DLGAP2: variants seen among roughly 807,000 people sequenced by gnomAD.
DLGAP2 encodes DLG associated protein 2.
In DLGAP2, 26 loss-of-function variants were observed where a neutral mutation model predicts 100.3. That is an observed-to-expected ratio of 0.26 (90% CI 0.19 to 0.36). The LOEUF (loss-of-function observed/expected upper bound fraction) is 0.36. Among genes scored for constraint, DLGAP2 ranks in the 10% least tolerant of loss-of-function variants. DLGAP2 has a pLI of 1.00. For missense variants in DLGAP2, 1,858 were observed against 1,453.2 expected, an observed-to-expected ratio of 1.28 and a Z score of -4.53; for synonymous variants, 886 against 630.1, an observed-to-expected ratio of 1.41 and a Z score of -6.08.
intron 1 of DLGAP2, among the ~76,000 whole-genome samples, chr8:764,284 T>A (rs1292353279): frequency 6.6e-6 from 1 of 152,188 alleles, no homozygotes; most frequent in East Asian, 1.9e-4. Flanking sequence ...GTACAACATT[T>A]TTATTCAAGT....
At chr8:1,462,815 C>T (rs1378266411) in intron 3 of DLGAP2, among the ~76,000 whole-genome samples, 2 of 152,222 alleles carry the variant, frequency 1.3e-5, no homozygotes, top group Admixed American at 1.3e-4. Flanking sequence ...GCCCTCAGGC[C>T]CCCACACGGC....
At chr8:1,540,802 C>A (rs1801337393) in intron 4 of DLGAP2, among the ~76,000 whole-genome samples, 1 of 152,256 alleles carries the variant, frequency 6.6e-6, no homozygotes, top group Non-Finnish European at 1.5e-5. Flanking sequence ...ACAACCATTT[C>A]TGGATAATAC....
intron 4 of DLGAP2, among the ~76,000 whole-genome samples, chr8:1,528,543 CG>C (rs1800873632): frequency 6.6e-6 from 1 of 152,214 alleles, no homozygotes; most frequent in South Asian, 2.1e-4. Flanking sequence ...AGGGCCCACC[CG>C]GGGGCTGGCC....
chr8:1,067,734 C>T (rs1051509735), intron 2 of DLGAP2, among the ~76,000 whole-genome samples: 2 of 151,944 alleles, frequency 1.3e-5, no homozygotes, highest in African/African-American at 2.4e-5. Context: ...GCCCCACCCA[C>T]GCCCTCCCTC....
intron 2 of DLGAP2, among the ~76,000 whole-genome samples, chr8:1,095,967 A>C (rs1455219476): frequency 6.6e-6 from 1 of 152,218 alleles, no homozygotes; most frequent in Non-Finnish European, 1.5e-5. Context: ...TAGAGAACTG[A>C]ATATTTTAAA....
chr8:785,549 C>G (rs1291279924), intron 1 of DLGAP2, among the ~76,000 whole-genome samples: 2 of 145,212 alleles, frequency 1.4e-5, no homozygotes, highest in African/African-American at 2.6e-5. Flanking sequence ...CCCCTCAGGT[C>G]TCTCTGAGAC....
chr8:1,433,057 C>T (rs1237581980), intron 3 of DLGAP2, among the ~76,000 whole-genome samples: 1 of 152,194 alleles, frequency 6.6e-6, no homozygotes, highest in Non-Finnish European at 1.5e-5. Context: ...GTTTTAGTCC[C>T]AGGGCACTTA....
chr8:1,638,807 C>T (rs528983404), intron 8 of DLGAP2, among the ~76,000 whole-genome samples: 5 of 152,260 alleles, frequency 3.3e-5, no homozygotes, highest in East Asian at 3.9e-4. Flanking sequence ...GAGGAGAGGC[C>T]GTAATGATGG....
At chr8:1,555,773 A>G (rs987871565) in intron 5 of DLGAP2, among the ~76,000 whole-genome samples, 3 of 152,196 alleles carry the variant, frequency 2.0e-5, no homozygotes, top group African/African-American at 7.2e-5. Flanking sequence ...GACCCAACAC[A>G]TTCTTATCCC....
intron 4 of DLGAP2, among the ~76,000 whole-genome samples, chr8:1,506,020 G>A (rs1223565076): frequency 2.0e-5 from 3 of 152,156 alleles, no homozygotes; most frequent in Admixed American, 1.3e-4. Context: ...TGTACACACT[G>A]TGTAATTTTG....
intron 8 of DLGAP2, among the ~76,000 whole-genome samples, chr8:1,655,308 G>C (rs1387827777): frequency 6.6e-6 from 1 of 152,168 alleles, no homozygotes; most frequent in Non-Finnish European, 1.5e-5. Context: ...TGAAAGTTTA[G>C]TTTGTCCAAT....
intron 2 of DLGAP2, among the ~76,000 whole-genome samples, chr8:1,173,769 C>A (rs555749274): frequency 6.6e-6 from 1 of 152,188 alleles, no homozygotes. Flanking sequence ...ACCCGATTTT[C>A]CAGGTGCCGT....
chr8:1,093,205 TA>T (rs916297804), intron 2 of DLGAP2, among the ~76,000 whole-genome samples: 48 of 152,106 alleles, frequency 3.2e-4, no homozygotes, highest in African/African-American at 1.1e-3. Context: ...TAATCCCTTC[TA>T]AAAAACACCT....
chr8:888,410 G>A (rs1222302352), intron 1 of DLGAP2, among the ~76,000 whole-genome samples: 1 of 152,116 alleles, frequency 6.6e-6, no homozygotes, highest in African/African-American at 2.4e-5. Context: ...CCTCCATCCA[G>A]TTCTGCACGC....
At chr8:1,122,120 CTGGTGT>C (rs1796063363) in intron 2 of DLGAP2, among the ~76,000 whole-genome samples, 1 of 152,164 alleles carries the variant, frequency 6.6e-6, no homozygotes, top group Non-Finnish European at 1.5e-5. Flanking sequence ...CAGATGTGGA[CTGGTGT>C]TACTACGGTT....
chr8:1,359,550 G>C (rs1801932077), intron 3 of DLGAP2, among the ~76,000 whole-genome samples: 1 of 152,260 alleles, frequency 6.6e-6, no homozygotes, highest in Non-Finnish European at 1.5e-5. Context: ...GGCCTGGAGG[G>C]ATTTGGGCTG....
At chr8:1,024,630 A>C (rs1276455546) in intron 2 of DLGAP2, among the ~76,000 whole-genome samples, 1 of 152,094 alleles carries the variant, frequency 6.6e-6, no homozygotes, top group Non-Finnish European at 1.5e-5. Context: ...CTGTTGTATG[A>C]CTGGAGACAG....
intron 2 of DLGAP2, among the ~76,000 whole-genome samples, chr8:1,142,573 A>G (rs1192824778): frequency 6.6e-6 from 1 of 152,206 alleles, no homozygotes; most frequent in Admixed American, 6.5e-5. Flanking sequence ...GAAGAGCTGA[A>G]AAGGGCAGGT....
chr8:1,175,716 A>T (rs938878377), intron 2 of DLGAP2, among the ~76,000 whole-genome samples: 1 of 152,214 alleles, frequency 6.6e-6, no homozygotes, highest in Non-Finnish European at 1.5e-5. Context: ...TTAAGAGCTC[A>T]ATTCTTGACC....
Sources: gnomAD v4.1 joint callset for allele counts (sites outside exome capture counted in the v4.1 genomes callset) on GRCh38, gnomAD v4.1.1 for gene constraint, MANE v1.5 for transcripts, NCBI Gene and HGNC (gene_info 2026-07-23, HGNC 2026-07-21) for gene names.